SLC35F3: variants seen among roughly 807,000 people sequenced by gnomAD.
SLC35F3 encodes putative thiamine transporter SLC35F3.
SLC35F3 carries 25 observed loss-of-function variants against 49.9 expected under a neutral mutation model. The observed-to-expected ratio is 0.50, with a 90% confidence interval of 0.37 to 0.70. The LOEUF is 0.70. SLC35F3 is among the 30% of genes least tolerant of loss of function. SLC35F3 has a pLI of 0.00. For missense variants in SLC35F3, 525 were observed against 639.8 expected (o/e 0.82, Z 1.94); for synonymous variants, 275 against 265.4 (o/e 1.04, Z -0.35).
intron 2 of SLC35F3, among the ~76,000 whole-genome samples, chr1:234,194,709 A>G (rs1440476815): frequency 6.6e-6 from 1 of 152,192 alleles, no homozygotes; most frequent in Non-Finnish European, 1.5e-5. Context: ...GGGTGTCAAC[A>G]TGAGAGACCC....
intron 2 of SLC35F3, among the ~76,000 whole-genome samples, chr1:233,969,060 T>TG (rs57775031): frequency 0.45 from 65,769 of 144,874 alleles, 14,980 homozygotes; most frequent in Non-Finnish European, 0.5. Context: ...TGACATATTT[T>TG]GGGGGGGGGG....
At chr1:234,272,812 C>T (rs1668128824) in intron 3 of SLC35F3, among the ~76,000 whole-genome samples, 1 of 152,104 alleles carries the variant, frequency 6.6e-6, no homozygotes, top group African/African-American at 2.4e-5. Flanking sequence ...TGGGTGGCTG[C>T]CTGCCCCTGT....
intron 2 of SLC35F3, among the ~76,000 whole-genome samples, chr1:234,040,730 G>A (rs1664206832): frequency 6.6e-6 from 1 of 152,236 alleles, no homozygotes; most frequent in South Asian, 2.1e-4. Context: ...GCCTCTTGAG[G>A]ATGGAGTAGG....
intron 2 of SLC35F3, among the ~76,000 whole-genome samples, chr1:234,166,631 A>G (rs1266148668): frequency 6.6e-6 from 1 of 152,168 alleles, no homozygotes; most frequent in Admixed American, 6.5e-5. Context: ...CAGGTGGCCC[A>G]AGGGCTGCAT....
At chr1:234,163,573 A>G (rs922890675) in intron 2 of SLC35F3, among the ~76,000 whole-genome samples, 1 of 152,240 alleles carries the variant, frequency 6.6e-6, no homozygotes, top group Non-Finnish European at 1.5e-5. Flanking sequence ...CCAGCTTGCC[A>G]TGCCTGAGGG....
chr1:233,950,991 C>G (rs1468860548), intron 2 of SLC35F3, among the ~76,000 whole-genome samples: 2 of 152,022 alleles, frequency 1.3e-5, no homozygotes, highest in Non-Finnish European at 2.9e-5. Flanking sequence ...CTAATCAACA[C>G]ACTTCTCCCT....
intron 2 of SLC35F3, among the ~76,000 whole-genome samples, chr1:233,985,516 A>G (rs534075424): frequency 2.0e-5 from 3 of 152,348 alleles, no homozygotes; most frequent in South Asian, 4.1e-4. Context: ...GTAAGTGTGC[A>G]GTAGTCTTGT....
At chr1:234,157,353 A>T (rs183246914) in intron 2 of SLC35F3, among the ~76,000 whole-genome samples, 57 of 152,228 alleles carry the variant, frequency 3.7e-4, no homozygotes, top group Non-Finnish European at 7.4e-4. Context: ...CATAAGCCAG[A>T]TCACGCTGCT....
chr1:234,166,727 C>A (rs1219214230), intron 2 of SLC35F3, among the ~76,000 whole-genome samples: 1 of 152,204 alleles, frequency 6.6e-6, no homozygotes, highest in African/African-American at 2.4e-5. Flanking sequence ...GAATGCTGTG[C>A]GGATTGCACT....
At chr1:234,193,656 C>T (rs764117405) in intron 2 of SLC35F3, among the ~76,000 whole-genome samples, 1 of 152,202 alleles carries the variant, frequency 6.6e-6, no homozygotes, top group African/African-American at 2.4e-5. Flanking sequence ...AGTAAAGAGA[C>T]AACCAACAGA....
intron 2 of SLC35F3, among the ~76,000 whole-genome samples, chr1:234,226,940 C>T (rs923409766): frequency 1.3e-5 from 2 of 149,400 alleles, no homozygotes; most frequent in Non-Finnish European, 3.0e-5. Flanking sequence ...ACTCCCCCTG[C>T]ACTGGCGTGC....
intron 2 of SLC35F3, among the ~76,000 whole-genome samples, chr1:234,121,888 T>C (rs1665583033): frequency 6.6e-6 from 1 of 152,226 alleles, no homozygotes; most frequent in African/African-American, 2.4e-5. Flanking sequence ...ACAAAGGACA[T>C]GAACTCATCC....
chr1:234,247,029 A>G (rs1016435810), intron 3 of SLC35F3, among the ~76,000 whole-genome samples: 1 of 152,224 alleles, frequency 6.6e-6, no homozygotes, highest in Non-Finnish European at 1.5e-5. Context: ...TTCAAGACCC[A>G]GTTACCAGTT....
intron 2 of SLC35F3, among the ~76,000 whole-genome samples, chr1:234,089,987 CA>C (rs1665017652): frequency 6.6e-6 from 1 of 152,184 alleles, no homozygotes. Flanking sequence ...CTTTGCAGAT[CA>C]TATATATTTT....
At position 234,216,601 on chromosome 1, in the gene SLC35F3, A is replaced by G. The variant is rs150634375; in HGVS notation, c.284-14816A>G. On this transcript the variant is annotated intron_variant, in intron 2 of 7. Transcript: ENST00000366618. The stretch of plus-strand genomic sequence containing the variant: ...TGCTAACGCCAGCAGCTGCCTCGCC[A>G]CGGGCTTGGCTTTGGAACTAGCATT... Among the ~76,000 whole-genome samples the G allele has an allele frequency of 1.5e-3, 227 of 152,336 alleles. 2 individuals carry two copies. The highest frequency in any genetic ancestry group is 5.2e-3 in the African/African-American group (218 of 41,578).
chr1:234,278,047 G>A lies in SLC35F3; in HGVS notation c.609-31054G>A, dbSNP rs556015333. Among the ~76,000 whole-genome samples, 9 of 151,970 alleles carry A rather than the reference G, an allele frequency of 5.9e-5. No homozygotes were observed. In the South Asian group the frequency reaches 1.9e-3, roughly 32 times the overall value. On this transcript the variant is annotated intron_variant, in intron 3 of 7. Transcript: ENST00000366618. ...CATCTCTACAAAAAATACAAAATTA[G>A]CCAGGCATAGAGGCATGCGCCTGTG...
intron 2 of SLC35F3, among the ~76,000 whole-genome samples, chr1:233,981,586 G>A (rs1423639362): frequency 2.0e-5 from 3 of 151,846 alleles, no homozygotes; most frequent in Non-Finnish European, 4.4e-5. Context: ...GTTGTCTTAA[G>A]TGTTTGGCTG....
chr1:234,321,175 C>G lies in SLC35F3; in HGVS notation c.1237+988C>G, dbSNP rs139208233. On this transcript the variant is annotated intron_variant, in intron 7 of 7. Coordinates refer to ENST00000366618, the MANE Select transcript of SLC35F3 (RefSeq NM_173508.4). ...CGCTCCCATTCCAAAGGCGCTCGAC[C>G]TCTCTGCCCCACCATGGCCCAGACT... 4.6e-3 allele frequency among the ~76,000 whole-genome samples: 697 copies of G among 152,262 alleles called. 3 individuals are homozygous for G. Among genetic ancestry groups the G allele is most frequent in the African/African-American group, 0.015 (640 of 41,558 alleles).
intron 2 of SLC35F3, among the ~76,000 whole-genome samples, chr1:234,029,856 T>G (rs541865544): frequency 6.6e-6 from 1 of 152,204 alleles, no homozygotes; most frequent in East Asian, 1.9e-4. Flanking sequence ...AGAGAGACTC[T>G]GTCTCAAATA....
Sources: allele counts gnomAD v4.1 joint callset (sites outside exome capture counted in the v4.1 genomes callset), GRCh38; gene constraint gnomAD v4.1.1; transcripts MANE v1.5; gene names NCBI Gene and HGNC (gene_info 2026-07-23, HGNC 2026-07-21).